The following AMPH variants were observed in gnomAD, a reference collection of about 807,000 sequenced individuals.
The protein encoded by AMPH is amphiphysin (Stiff-Mann syndrome with breast cancer 128kD autoantigen).
AMPH carries 49 observed loss-of-function variants against 99.1 expected under a neutral mutation model. The observed-to-expected ratio is 0.49, with a 90% CI of 0.39 to 0.63. AMPH has a LOEUF of 0.63. Among genes scored for constraint, AMPH ranks in the 20% least tolerant of loss-of-function variants. The pLI, the probability that AMPH is intolerant of heterozygous loss-of-function variation, is 0.00. For synonymous variants in AMPH, 314 were observed against 317.3 expected, an observed-to-expected ratio of 0.99 and a Z score of 0.11; for missense variants, 759 against 863.4, an observed-to-expected ratio of 0.88 and a Z score of 1.52.
chr7:38,433,165 G>A (rs549040071), intron 12 of AMPH, among the ~76,000 whole-genome samples: 10 of 152,150 alleles, frequency 6.6e-5, no homozygotes, highest in Non-Finnish European at 1.3e-4. Context: ...GATTGCAGAG[G>A]CCTCATTTGG....
At chr7:38,624,314 T>C (rs1159777004) in intron 1 of AMPH, among the ~76,000 whole-genome samples, 8 of 150,076 alleles carry the variant, frequency 5.3e-5, no homozygotes. Flanking sequence ...ACAGAGAAAA[T>C]GACACAAAGA....
chr7:38,502,595 A>G (rs1211910819), intron 3 of AMPH, among the ~76,000 whole-genome samples: 2 of 152,162 alleles, frequency 1.3e-5, no homozygotes, highest in Non-Finnish European at 2.9e-5. Flanking sequence ...CTAAGCAAAA[A>G]TGTTACAGAA....
chr7:38,477,689 TAAC>T (rs367715923), intron 5 of AMPH, among the ~76,000 whole-genome samples: 13 of 151,772 alleles, frequency 8.6e-5, no homozygotes, highest in Non-Finnish European at 1.3e-4. Context: ...CATTTCCTCT[TAAC>T]AACAACAACA....
intron 1 of AMPH, among the ~76,000 whole-genome samples, chr7:38,590,732 G>A (rs1273607719): frequency 6.6e-6 from 1 of 152,146 alleles, no homozygotes; most frequent in Non-Finnish European, 1.5e-5. Context: ...ACCTTCCCCA[G>A]CTAGGCTTAA....
intron 1 of AMPH, among the ~76,000 whole-genome samples, chr7:38,540,034 AC>A (rs1199504764): frequency 1.3e-5 from 2 of 152,220 alleles, no homozygotes; most frequent in Non-Finnish European, 2.9e-5. Context: ...AGTGTTGAAA[AC>A]ACCAATTAAA....
At position 38,584,418 on chromosome 7, in the gene AMPH, C is replaced by T. The variant is rs1171561023; in HGVS notation, c.69+46865G>A. Among the ~76,000 whole-genome samples, 9 of 152,288 alleles carry T rather than the reference C, an allele frequency of 5.9e-5. No individual in the cohort carries two copies. In the East Asian group the frequency reaches 1.7e-3, roughly 29 times the overall value. ...CTGCATGGCTGTCATTGCTTTGAGG[C>T]CTGAATATCATTCAAGATGTGGTCA... On this transcript the variant is annotated intron_variant, in intron 1 of 20. Coordinates refer to ENST00000356264, the MANE Select transcript of AMPH (RefSeq NM_001635.4).
At chr7:38,562,700 G>A (rs1292225053) in intron 1 of AMPH, among the ~76,000 whole-genome samples, 2 of 151,644 alleles carry the variant, frequency 1.3e-5, no homozygotes, top group Non-Finnish European at 2.9e-5. Context: ...GGAGAAAAGG[G>A]GAGTGAAAAT....
At chr7:38,522,990 C>T (rs867084215) in intron 2 of AMPH, among the ~76,000 whole-genome samples, 15 of 151,736 alleles carry the variant, frequency 9.9e-5, no homozygotes, top group Admixed American at 2.6e-4. Context: ...CGCCTGTAAT[C>T]CCAGCTACTC....
chr7:38,581,413 C>G (rs968794466), intron 1 of AMPH, among the ~76,000 whole-genome samples: 9 of 152,120 alleles, frequency 5.9e-5, no homozygotes, highest in African/African-American at 2.2e-4. Flanking sequence ...TGCAAAAGCC[C>G]AGAGGTCCCA....
intron 11 of AMPH, among the ~76,000 whole-genome samples, chr7:38,446,650 G>A (rs2129001216): frequency 6.6e-6 from 1 of 152,224 alleles, no homozygotes; most frequent in East Asian, 1.9e-4. Flanking sequence ...TTAAAAAGTG[G>A]CTCAGAAAAC....
intron 11 of AMPH, among the ~76,000 whole-genome samples, chr7:38,454,870 G>C (rs1787170287): frequency 6.6e-6 from 1 of 152,036 alleles, no homozygotes; most frequent in Non-Finnish European, 1.5e-5. Flanking sequence ...AGAATACTAT[G>C]GGCAAATATG....
At chr7:38,570,183 A>T (rs1349936434) in intron 1 of AMPH, among the ~76,000 whole-genome samples, 1 of 152,178 alleles carries the variant, frequency 6.6e-6, no homozygotes, top group African/African-American at 2.4e-5. Context: ...TACTCAAAGA[A>T]GTAGCACAAA....
At chr7:38,577,254 C>T (rs1255521196) in intron 1 of AMPH, among the ~76,000 whole-genome samples, 2 of 152,202 alleles carry the variant, frequency 1.3e-5, no homozygotes, top group African/African-American at 4.8e-5. Context: ...GTGGCCAGGT[C>T]TCCAAACTGC....
intron 10 of AMPH, 152 bp downstream of exon 10, chr7:38,462,823 C>A (rs1787501693): frequency 2.3e-6 from 2 of 853,066 alleles, no homozygotes; most frequent in Non-Finnish European, 3.3e-6. Context: ...AGGTGGATAC[C>A]TTCATGACAA....
At position 38,417,814 on chromosome 7, in the gene AMPH, G is replaced by C. The variant is rs368760883; in HGVS notation, c.1398+11C>G. On this transcript the variant is annotated intron_variant, in intron 17 of 20. Transcript: ENST00000356264. ...GAGGCAGATGGAGGGTGAGAGGGAG[G>C]TGGTGCTCACCACTGCCTCCTCCAC... 5.8e-5 allele frequency: 94 copies of C among 1,613,424 alleles called. No homozygotes were observed. Among genetic ancestry groups the C allele is most frequent in the Non-Finnish European group, 5.0e-5 (59 of 1,179,748 alleles).
At chr7:38,399,161 A>G (rs1303209685) in intron 17 of AMPH, among the ~76,000 whole-genome samples, 1 of 152,244 alleles carries the variant, frequency 6.6e-6, no homozygotes, top group Non-Finnish European at 1.5e-5. Context: ...TACTTGGAAA[A>G]CAAACAACAC....
chr7:38,524,635 C>G (rs1045433662), intron 2 of AMPH, among the ~76,000 whole-genome samples: 1 of 151,532 alleles, frequency 6.6e-6, no homozygotes, highest in Non-Finnish European at 1.5e-5. Flanking sequence ...TGGAAGCATT[C>G]ATATATAGAT....
chr7:38,467,488 T>C (rs1367958387), intron 7 of AMPH, among the ~76,000 whole-genome samples: 3 of 152,164 alleles, frequency 2.0e-5, no homozygotes, highest in African/African-American at 7.2e-5. Context: ...TTAACACTTT[T>C]CTTCCTTCAA....
intron 6 of AMPH, among the ~76,000 whole-genome samples, 159 bp from the exon 7 acceptor site, chr7:38,475,575 A>C (rs778464460): frequency 6.6e-6 from 1 of 152,226 alleles, no homozygotes; most frequent in South Asian, 2.1e-4. Flanking sequence ...TCAATTAAAC[A>C]TGAAACACTA....
Sources: gnomAD v4.1 joint callset for allele counts (sites outside exome capture counted in the v4.1 genomes callset) on GRCh38, gnomAD v4.1.1 for gene constraint, MANE v1.5 for transcripts, NCBI Gene and HGNC (gene_info 2026-07-23, HGNC 2026-07-21) for gene names.